The following SIPA1L1 variants were observed in gnomAD, a reference collection of about 807,000 sequenced individuals.
SIPA1L1 encodes the protein signal induced proliferation associated 1 like 1.
SIPA1L1 carries 26 observed loss-of-function variants against 162.7 expected under a neutral mutation model. The observed-to-expected ratio is 0.16, with a 90% CI of 0.12 to 0.22. The LOEUF (loss-of-function observed/expected upper bound fraction) is 0.22. Among genes scored for constraint, SIPA1L1 ranks in the 10% least tolerant of loss-of-function variants. The pLI, the probability that SIPA1L1 is intolerant of heterozygous loss-of-function variation, is 1.00. For missense variants in SIPA1L1, 1,874 were observed against 2,241.0 expected (o/e 0.84, Z 3.31); for synonymous variants, 829 against 837.4 (o/e 0.99, Z 0.17).
intron 15 of SIPA1L1, 88 bp downstream of exon 15, chr14:71,702,593 A>G: frequency 8.5e-7 from 1 of 1,174,530 alleles, no homozygotes; most frequent in African/African-American, 1.5e-5. Flanking sequence ...CATTGTTATA[A>G]AAGGTAGCCC....
At chr14:71,545,579 G>T (rs891967522) in intron 4 of SIPA1L1, among the ~76,000 whole-genome samples, 1 of 143,236 alleles carries the variant, frequency 7.0e-6, no homozygotes, top group African/African-American at 2.7e-5. Context: ...GTTCTAATTT[G>T]TGTGTGTGTG....
chr14:71,484,123 C>G (rs928847265), intron 2 of SIPA1L1, among the ~76,000 whole-genome samples: 1 of 152,140 alleles, frequency 6.6e-6, no homozygotes, highest in African/African-American at 2.4e-5. Context: ...TGTCTTAATG[C>G]AGCCTTGAAT....
At chr14:71,594,040 A>G (rs1462348409) in intron 5 of SIPA1L1, among the ~76,000 whole-genome samples, 1 of 152,132 alleles carries the variant, frequency 6.6e-6, no homozygotes, top group African/African-American at 2.4e-5. Context: ...ACCAGATTTG[A>G]TTGTTCTTAC....
intron 2 of SIPA1L1, among the ~76,000 whole-genome samples, chr14:71,382,520 G>A (rs1039671179): frequency 6.6e-6 from 1 of 152,242 alleles, no homozygotes; most frequent in South Asian, 2.1e-4. Context: ...CGTTTAGCCA[G>A]TAGCAGTCCG....
chr14:71,546,814 C>G (rs1596037909), intron 4 of SIPA1L1, among the ~76,000 whole-genome samples: 1 of 152,252 alleles, frequency 6.6e-6, no homozygotes. Flanking sequence ...GGATGCTTCC[C>G]TTGGACCTCT....
intron 2 of SIPA1L1, among the ~76,000 whole-genome samples, chr14:71,346,064 C>T (rs146818871): frequency 1.5e-3 from 230 of 152,100 alleles, no homozygotes; most frequent in Non-Finnish European, 2.5e-3. Flanking sequence ...CTTGCCACCA[C>T]GCCCAGCTAA....
At chr14:71,327,227 C>T (rs1479750789) in intron 2 of SIPA1L1, among the ~76,000 whole-genome samples, 1 of 151,664 alleles carries the variant, frequency 6.6e-6, no homozygotes. Context: ...GAACTACAGG[C>T]GTGTGCCACC....
chr14:71,706,559 T>A (rs2082451994), intron 16 of SIPA1L1, among the ~76,000 whole-genome samples: 1 of 152,176 alleles, frequency 6.6e-6, no homozygotes, highest in South Asian at 2.1e-4. Context: ...TAGCCACACA[T>A]GACTAAGGGT....
At chr14:71,382,857 C>T (rs2040015415) in intron 2 of SIPA1L1, among the ~76,000 whole-genome samples, 1 of 152,108 alleles carries the variant, frequency 6.6e-6, no homozygotes, top group Admixed American at 6.6e-5. Flanking sequence ...GTAGCCTTGT[C>T]GAGGAAATCA....
chr14:71,454,393 G>A lies in SIPA1L1; in HGVS notation c.-464-58350G>A, dbSNP rs557219041. ...CGCCAGTAATATATAAAAGTGGATTGGCAGTTATTGAATCTCAGATAAAGG... is the reference window on the plus strand; with the variant it reads ...CGCCAGTAATATATAAAAGTGGATTAGCAGTTATTGAATCTCAGATAAAGG... On this transcript the variant is annotated intron_variant, in intron 2 of 23. Transcript: ENST00000381232. 2.0e-5 allele frequency among the ~76,000 whole-genome samples: 3 copies of A among 152,230 alleles called. No individual in the cohort carries two copies. The East Asian group carries it at 5.8e-4, about 29-fold the overall frequency.
intron 8 of SIPA1L1, among the ~76,000 whole-genome samples, chr14:71,656,584 G>T (rs1368697650): frequency 6.6e-6 from 1 of 152,150 alleles, no homozygotes; most frequent in African/African-American, 2.4e-5. Context: ...ATACTTAGAA[G>T]ATATTTTTCT....
chr14:71,490,142 T>A (rs535205269), intron 2 of SIPA1L1, among the ~76,000 whole-genome samples: 217 of 152,318 alleles, frequency 1.4e-3, no homozygotes, highest in African/African-American at 5.0e-3. Context: ...GTTAAATTAT[T>A]GCCTAAAATT....
chr14:71,586,782 G>GGT (rs1596287621), intron 4 of SIPA1L1: 1 of 152,190 alleles, frequency 6.6e-6, no homozygotes, highest in African/African-American at 2.4e-5. Flanking sequence ...GCACTGATGG[G>GGT]GTGGAGTAGG....
At chr14:71,329,725 G>T (rs916285846) in intron 2 of SIPA1L1, among the ~76,000 whole-genome samples, 3 of 151,984 alleles carry the variant, frequency 2.0e-5, no homozygotes, top group Non-Finnish European at 4.4e-5. Flanking sequence ...TCATATTCTC[G>T]TTGGCCATTT....
intron 22 of SIPA1L1, among the ~76,000 whole-genome samples, chr14:71,736,299 A>G (rs530654342): frequency 4.6e-5 from 7 of 152,358 alleles, no homozygotes; most frequent in East Asian, 1.9e-4. Context: ...CGGGAAGCCA[A>G]TGCATGAGAA....
intron 5 of SIPA1L1, among the ~76,000 whole-genome samples, chr14:71,603,970 GATATATTTAT>G (rs1010926762): frequency 2.2e-4 from 31 of 142,846 alleles, no homozygotes; most frequent in South Asian, 1.3e-3. Flanking sequence ...TTTATATATA[GATATATTTAT>G]ATATATTTAT....
chr14:71,354,465 G>A (rs1016614097), intron 2 of SIPA1L1, among the ~76,000 whole-genome samples: 1 of 151,788 alleles, frequency 6.6e-6, no homozygotes, highest in Admixed American at 6.6e-5. Flanking sequence ...TTTGTAGAGG[G>A]GGGGTTTCAC....
At chr14:71,689,659 A>G (rs982312854) in intron 13 of SIPA1L1, among the ~76,000 whole-genome samples, 1 of 152,172 alleles carries the variant, frequency 6.6e-6, no homozygotes, top group Non-Finnish European at 1.5e-5. Context: ...TCCTTTTTTT[A>G]GGCTGGTATT....
chr14:71,387,318 A>C (rs189677094), intron 2 of SIPA1L1, among the ~76,000 whole-genome samples: 2 of 152,062 alleles, frequency 1.3e-5, no homozygotes, highest in East Asian at 3.9e-4. Context: ...CTATTTAAAA[A>C]TAGTTGACTA....
Sources: allele counts gnomAD v4.1 joint callset (sites outside exome capture counted in the v4.1 genomes callset), GRCh38; gene constraint gnomAD v4.1.1; transcripts MANE v1.5; gene names NCBI Gene and HGNC (gene_info 2026-07-23, HGNC 2026-07-21).